Variants in CRPPA observed in about 807,000 individuals in gnomAD.
The protein encoded by CRPPA is CDP-L-ribitol pyrophosphorylase A.
Under a neutral mutation model 52.0 loss-of-function variants are expected in CRPPA, and 43 were observed. That is an observed-to-expected ratio of 0.83 (90% CI 0.65 to 1.07). The LOEUF (loss-of-function observed/expected upper bound fraction) is 1.07. Among genes scored for constraint, CRPPA ranks in the 50% least tolerant of loss-of-function variants. The probability of loss-of-function intolerance (pLI) is 0.00; values close to 1 mark genes in which losing one functional copy is unlikely to be tolerated. For synonymous variants in CRPPA, 250 were observed against 203.5 expected, an observed-to-expected ratio of 1.23 and a Z score of -1.94; for missense variants, 629 against 551.7, an observed-to-expected ratio of 1.14 and a Z score of -1.40.
intron 9 of CRPPA, among the ~76,000 whole-genome samples, chr7:16,186,805 T>A (rs995414000): frequency 3.7e-5 from 5 of 136,378 alleles, no homozygotes; most frequent in African/African-American, 1.3e-4. Context: ...ATAGCAGATA[T>A]AACAGAGCAA....
At chr7:16,235,493 T>A (rs534043286) in intron 8 of CRPPA, among the ~76,000 whole-genome samples, 1 of 152,216 alleles carries the variant, frequency 6.6e-6, no homozygotes, top group African/African-American at 2.4e-5. Flanking sequence ...CTGCCTATTT[T>A]GTAATACAGT....
chr7:16,267,560 A>G (rs1295138), intron 6 of CRPPA, among the ~76,000 whole-genome samples: 28,623 of 152,128 alleles, frequency 0.19, 3,588 homozygotes, highest in African/African-American at 0.36. Context: ...CAAATGAAAG[A>G]AAACTGCAAC....
At chr7:16,092,524 A>G (rs971284048) in intron 9 of CRPPA, among the ~76,000 whole-genome samples, 1 of 152,030 alleles carries the variant, frequency 6.6e-6, no homozygotes, top group African/African-American at 2.4e-5. Flanking sequence ...GCTCCTTCCT[A>G]TTGTTTCTTG....
At chr7:16,284,187 G>A (rs1376249071) in intron 5 of CRPPA, among the ~76,000 whole-genome samples, 1 of 151,944 alleles carries the variant, frequency 6.6e-6, no homozygotes, top group Non-Finnish European at 1.5e-5. Context: ...AGTGTGTCAG[G>A]CATTGTCCAC....
intron 3 of CRPPA, among the ~76,000 whole-genome samples, chr7:16,361,484 G>C (rs570712493): frequency 6.6e-6 from 1 of 152,260 alleles, no homozygotes; most frequent in South Asian, 2.1e-4. Context: ...CAGATGAGTG[G>C]ATAAACAAAA....
chr7:16,234,822 C>A (rs1260241157), intron 8 of CRPPA, among the ~76,000 whole-genome samples: 1 of 151,902 alleles, frequency 6.6e-6, no homozygotes, highest in Non-Finnish European at 1.5e-5. Context: ...GGAAGGATTG[C>A]AAGAGGAAAT....
At chr7:16,356,915 G>C (rs937098229) in intron 3 of CRPPA, among the ~76,000 whole-genome samples, 1 of 152,160 alleles carries the variant, frequency 6.6e-6, no homozygotes, top group Non-Finnish European at 1.5e-5. Flanking sequence ...AGTGTGTCCT[G>C]AGAAGTGGTC....
At chr7:16,106,970 T>C (rs889141906) in intron 9 of CRPPA, among the ~76,000 whole-genome samples, 1 of 151,780 alleles carries the variant, frequency 6.6e-6, no homozygotes, top group African/African-American at 2.4e-5. Flanking sequence ...AAATAAAAAA[T>C]ACAGTGACTG....
chr7:16,229,937 C>A (rs1782749783), intron 8 of CRPPA, among the ~76,000 whole-genome samples: 1 of 151,992 alleles, frequency 6.6e-6, no homozygotes, highest in African/African-American at 2.4e-5. Context: ...TTTTTTCCCC[C>A]TTTTCAGCAT....
chr7:16,314,860 G>A (rs2128426057), intron 3 of CRPPA, among the ~76,000 whole-genome samples: 1 of 152,146 alleles, frequency 6.6e-6, no homozygotes, highest in Admixed American at 6.5e-5. Context: ...CTTAGGTGTA[G>A]TTTATTTGGA....
At chr7:16,155,680 T>C (rs959881826) in intron 9 of CRPPA, among the ~76,000 whole-genome samples, 1 of 152,176 alleles carries the variant, frequency 6.6e-6, no homozygotes, top group Non-Finnish European at 1.5e-5. Flanking sequence ...ATACAAAATA[T>C]CCATTAATAG....
Position 16,133,637 on chromosome 7 carries a change from T to C in CRPPA, c.1252-41838A>G, listed in dbSNP as rs1175644444. 5.3e-4 allele frequency among the ~76,000 whole-genome samples: 66 copies of C among 124,120 alleles called. 18 individuals carry two copies. The highest frequency in any genetic ancestry group is 1.1e-4 in the Non-Finnish European group (6 of 54,654). 81.4% of individuals were successfully genotyped at this position (124,120 alleles called of 152,430 possible). On this transcript the variant is annotated intron_variant, in intron 9 of 9. Coordinates refer to ENST00000407010, the MANE Select transcript of CRPPA (RefSeq NM_001101426.4). ...ATCTCCCATGGTTCTTAGGTATTTT[T>C]CATCATGTTTAGTCTAATACTGTAA... is the stretch of plus-strand genomic sequence containing the variant.
At chr7:16,413,073 A>G (rs1458283833) in intron 1 of CRPPA, among the ~76,000 whole-genome samples, 12 of 152,324 alleles carry the variant, frequency 7.9e-5, no homozygotes, top group Admixed American at 3.3e-4. Flanking sequence ...GGACAGTGGC[A>G]GCTGCTGCTC....
At chr7:16,274,841 G>T (rs948370386) in intron 6 of CRPPA, among the ~76,000 whole-genome samples, 4 of 152,154 alleles carry the variant, frequency 2.6e-5, no homozygotes, top group Non-Finnish European at 5.9e-5. Context: ...AGGGGAGAAA[G>T]ATTCTGGAAA....
At chr7:16,366,807 A>C (rs76037337) in intron 3 of CRPPA, among the ~76,000 whole-genome samples, 2 of 152,174 alleles carry the variant, frequency 1.3e-5, no homozygotes, top group Admixed American at 6.5e-5. Flanking sequence ...AAAAAAAAAA[A>C]ACATGGGAAA....
chr7:16,196,806 T>C (rs771020596), intron 9 of CRPPA, among the ~76,000 whole-genome samples: 1 of 152,174 alleles, frequency 6.6e-6, no homozygotes, highest in Non-Finnish European at 1.5e-5. Context: ...CAGTTTCATT[T>C]TTCCCTAAAT....
At chr7:16,160,609 C>T (rs1783282900) in intron 9 of CRPPA, among the ~76,000 whole-genome samples, 1 of 152,080 alleles carries the variant, frequency 6.6e-6, no homozygotes, top group Non-Finnish European at 1.5e-5. Context: ...ATGCCTACAG[C>T]TTTGTTCTTT....
Position 16,088,597 on chromosome 7 carries a change from T to C in CRPPA, c.*3098A>G, listed in dbSNP as rs1167185593. On this transcript the variant is annotated 3_prime_UTR_variant, in exon 10 of 10. Transcript: ENST00000407010. ...GATGCCTGGCTATTTTTTTTGTATT[T>C]TTACTAGAGACGGGGTTTCACCGCA... 1 of 152,196 alleles carries C rather than the reference T, an allele frequency of 6.6e-6. No individual in the cohort carries two copies. The highest frequency in any genetic ancestry group is 2.4e-5 in the African/African-American group (1 of 41,402). The allele number at this position is 152,196 out of a possible 1,614,324, so 9.4% of individuals were successfully genotyped here. A position where few individuals can be genotyped will look rare whatever the true frequency, so the allele number is the denominator to read the frequency against.
At chr7:16,119,162 C>G (rs190350931) in intron 9 of CRPPA, among the ~76,000 whole-genome samples, 76 of 152,274 alleles carry the variant, frequency 5.0e-4, no homozygotes, top group Admixed American at 4.8e-3. Context: ...CATCACTTAA[C>G]TGCTTGATAA....
Sources: gnomAD v4.1 joint callset for allele counts (sites outside exome capture counted in the v4.1 genomes callset) on GRCh38, gnomAD v4.1.1 for gene constraint, MANE v1.5 for transcripts, NCBI Gene and HGNC (gene_info 2026-07-23, HGNC 2026-07-21) for gene names.